Variants in GAS1 observed in about 807,000 individuals in gnomAD.
GAS1 encodes growth arrest specific 1.
GAS1 carries 10 observed loss-of-function variants against 21.6 expected under a neutral mutation model. The observed-to-expected ratio is 0.46, with a 90% confidence interval of 0.29 to 0.79. The LOEUF (loss-of-function observed/expected upper bound fraction) is 0.79. GAS1 is among the 30% of genes least tolerant of loss of function. The pLI, the probability that GAS1 is intolerant of heterozygous loss-of-function variation, is 0.10. For missense variants in GAS1, 567 were observed against 544.3 expected, an observed-to-expected ratio of 1.04 and a Z score of -0.42; for synonymous variants, 332 against 264.0, an observed-to-expected ratio of 1.26 and a Z score of -2.50.
In GAS1 at chr9:86,946,357, G is replaced by A; in HGVS notation, c.423C>T (p.Arg141=). ...AQDENCKSTK[R]AIEPCLPRTS... ...TCCGGGGCAGGCACGGCTCAATGGC[G>A]CGCTTGGTGGACTTGCAGTTCTCGT... The change falls in exon 1 of 1, where the codon CGC becomes CGT. Residue 141 remains arginine (R), a synonymous_variant. Transcript: ENST00000298743. This position sits in a 1 kb window ranked among gnomAD's most constrained non-coding sequence, Gnocchi z 5.2. 6.8e-7 allele frequency: 1 copy of A among 1,466,590 alleles called. No homozygotes were observed. The highest frequency in any genetic ancestry group is 9.0e-7 in the Non-Finnish European group (1 of 1,111,582). The allele number at this position is 1,466,590 out of a possible 1,614,324, so 90.8% of individuals were successfully genotyped here.
At position 86,946,212 on chromosome 9, in the gene GAS1, A is replaced by C; in HGVS notation, c.568T>G (p.Cys190Gly). ...NLALSRYLTY[C>G]GKVFNGLRCT... ...CGCAGCCCGTTGAAGACTTTGCCGC[A>C]GTAGGTCAGGTAGCGGCTCAGCGCC... Residue 190 changes from cysteine (C) to glycine (G), a missense_variant, in exon 1 of 1, where the codon TGC becomes GGC. Physicochemically the swap from Cys to Gly is radical, Grantham distance 159 (BLOSUM62 -3). Transcript: ENST00000298743. This position sits in a 1 kb window ranked among gnomAD's most constrained non-coding sequence, Gnocchi z 5.2. 1 of 1,599,418 alleles carries C rather than the reference A, an allele frequency of 6.3e-7. No individual in the cohort carries two copies. Among genetic ancestry groups the C allele is most frequent in the South Asian group, 1.1e-5 (1 of 90,320 alleles).
chr9:86,946,990 C>T lies in GAS1; in HGVS notation c.-211G>A. The T allele has an allele frequency of 3.1e-6, 1 of 317,650 alleles. No homozygotes were observed. Among genetic ancestry groups the T allele is most frequent in the Non-Finnish European group, 6.0e-6 (1 of 166,232 alleles). 19.7% of individuals were successfully genotyped at this position (317,650 alleles called of 1,614,324 possible). A position where few individuals can be genotyped will look rare whatever the true frequency, so the allele number is the denominator to read the frequency against. On this transcript the variant is annotated 5_prime_UTR_variant, in exon 1 of 1. Coordinates refer to ENST00000298743, the MANE Select transcript of GAS1 (RefSeq NM_002048.3). The surrounding 1 kb of genome is among the most constrained non-coding windows in gnomAD (Gnocchi z 5.2). ...GCGGTGGCTTCCTGGAAATGAACAG[C>T]TGTCGAGATCTGGTCCCGCTCTCCC...
In GAS1 at chr9:86,946,119, C is replaced by G. The variant is rs572692316; in HGVS notation, c.661G>C (p.Asp221His). 6.2e-7 allele frequency: 1 copy of G among 1,608,986 alleles called. No homozygotes were observed. The highest frequency in any genetic ancestry group is 1.1e-5 in the South Asian group (1 of 91,052). Residue 221 changes from aspartate (D) to histidine (H), a missense_variant, in exon 1 of 1, where the codon GAC becomes CAC. Transcript: ENST00000298743. The surrounding 1 kb of genome is among the most constrained non-coding windows in gnomAD (Gnocchi z 5.2). ...CGCTCGAGGCCGTCGCACACGCAGT[C>G]GTTGAGCAGCGCCGCCTTGGGCATA... Reference protein sequence around the residue: ...LAMPKAALLNDCVCDGLERPI... With the variant: ...LAMPKAALLNHCVCDGLERPI...
rs995370798 is a variant in GAS1, at chr9:86,945,031, C to T, written c.*711G>A. 7 of 152,108 alleles carry T rather than the reference C, an allele frequency of 4.6e-5. No homozygotes were observed. The highest frequency in any genetic ancestry group is 1.7e-4 in the African/African-American group (7 of 41,390). The allele number at this position is 152,108 out of a possible 1,614,324, so 9.4% of individuals were successfully genotyped here. A position where few individuals can be genotyped will look rare whatever the true frequency, so the allele number is the denominator to read the frequency against. ...CCCCTTAGATCAGCATTTTTGGACC[C>T]TTAATCCTAAGAAATGTGCTAAGAG... On this transcript the variant is annotated 3_prime_UTR_variant, in exon 1 of 1. Coordinates refer to ENST00000298743, the MANE Select transcript of GAS1 (RefSeq NM_002048.3).
rs1176316195 is a variant in GAS1, at chr9:86,945,630, C to A, written c.*112G>T. On this transcript the variant is annotated 3_prime_UTR_variant, in exon 1 of 1. Transcript: ENST00000298743. ...ACTTGGAAAAAGTTTTGGGAAGTATCCCCAACCATCCCTTCTATCTGTCCC... is the reference window on the plus strand; with the variant it reads ...ACTTGGAAAAAGTTTTGGGAAGTATACCCAACCATCCCTTCTATCTGTCCC... The A allele has an allele frequency of 4.6e-6, 5 of 1,090,192 alleles. No individual in the cohort carries two copies. Among genetic ancestry groups the A allele is most frequent in the Non-Finnish European group, 4.9e-6 (4 of 824,710 alleles). The allele number at this position is 1,090,192 out of a possible 1,614,324, so 67.5% of individuals were successfully genotyped here.
Position 86,945,922 on chromosome 9 carries a change from G to C in GAS1, c.858C>G (p.Asp286Glu). Residue 286 changes from aspartate to glutamate, a missense_variant, in exon 1 of 1, where the codon GAC becomes GAG. By Grantham distance (45) the Asp-to-Glu change is conservative. Coordinates refer to ENST00000298743, the MANE Select transcript of GAS1 (RefSeq NM_002048.3). Reference sequence around the variant, plus strand: ...GCGGTGGGTGCGGGACGCCGTCGTCGTCGTCCAGCGGCTGCTCACCACCCG... The same window carrying C: ...GCGGTGGGTGCGGGACGCCGTCGTCCTCGTCCAGCGGCTGCTCACCACCCG... ...GGAGGEQPLD[D>E]DDGVPHPPRP... The C allele has an allele frequency of 5.7e-6, 9 of 1,573,774 alleles. No homozygotes were observed. The highest frequency in any genetic ancestry group is 1.2e-5 in the South Asian group (1 of 86,382).
Position 86,946,469 on chromosome 9 carries a change from C to G in GAS1, c.311G>C (p.Arg104Pro). 6.8e-7 allele frequency: 1 copy of G among 1,468,214 alleles called. No individual in the cohort carries two copies. The highest frequency in any genetic ancestry group is 9.0e-7 in the Non-Finnish European group (1 of 1,113,034). The allele number at this position is 1,468,214 out of a possible 1,614,324, so 90.9% of individuals were successfully genotyped here. ...ASAASFSSRWRCPSHCISALI... is the reference protein window; with the variant it reads ...ASAASFSSRWPCPSHCISALI... ...GGCCGAGATGCAGTGACTCGGGCAG[C>G]GCCAGCGCGACGAGAAAGAGGCGGC... The change falls in exon 1 of 1, where the codon CGC (arginine) becomes CCC (proline). Residue 104 changes from arginine to proline, a missense_variant. Coordinates refer to ENST00000298743, the MANE Select transcript of GAS1 (RefSeq NM_002048.3). This position sits in a 1 kb window ranked among gnomAD's most constrained non-coding sequence, Gnocchi z 5.2.
chr9:86,946,740 CG>C lies in GAS1; in HGVS notation c.39del (p.Thr16GlnfsTer9). 1 of 1,262,232 alleles carries C rather than the reference CG, an allele frequency of 7.9e-7. No homozygotes were observed. The highest frequency in any genetic ancestry group is 1.0e-6 in the Non-Finnish European group (1 of 976,628). 78.2% of individuals were successfully genotyped at this position (1,262,232 alleles called of 1,614,324 possible). A position where few individuals can be genotyped will look rare whatever the true frequency, so the allele number is the denominator to read the frequency against. On this transcript the variant is annotated frameshift_variant, in exon 1 of 1. Coordinates refer to ENST00000298743, the MANE Select transcript of GAS1 (RefSeq NM_002048.3). LOFTEE classifies it high-confidence loss of function. The surrounding 1 kb of genome is among the most constrained non-coding windows in gnomAD (Gnocchi z 5.2). ...AGCCAGGCGCCCGGCACTGTCCCCC[CG>C]CGGGCCTCGCCGCCGCCGCCCAGCA... is the stretch of plus-strand genomic sequence containing the variant. Reference protein sequence around the residue: ...AALLGGGGEARGGTVPGAWLC... With the variant: ...AALLGGGGEAXGGTVPGAWLC...
rs1025161090 is a variant in GAS1 at position 86,944,580 on chromosome 9, A to T, written c.*1162T>A. On this transcript the variant is annotated 3_prime_UTR_variant, in exon 1 of 1. Coordinates refer to ENST00000298743, the MANE Select transcript of GAS1 (RefSeq NM_002048.3). ...TGTTAACTTCAATTCTATAAAATAC[A>T]CTGTACATTTTAAGACTGTTCTAAA... 2.0e-5 allele frequency: 3 copies of T among 152,178 alleles called. No individual in the cohort carries two copies. The highest frequency in any genetic ancestry group is 4.8e-5 in the African/African-American group (2 of 41,440). The allele number at this position is 152,178 out of a possible 1,614,324, so 9.4% of individuals were successfully genotyped here.
rs1301589881 is a variant in GAS1, at chr9:86,946,716, G to A, written c.64C>T (p.Leu22=). 1 of 1,384,082 alleles carries A rather than the reference G, an allele frequency of 7.2e-7. No individual in the cohort carries two copies. The highest frequency in any genetic ancestry group is 9.4e-7 in the Non-Finnish European group (1 of 1,061,656). 85.7% of individuals were successfully genotyped at this position (1,384,082 alleles called of 1,614,324 possible). A position where few individuals can be genotyped will look rare whatever the true frequency, so the allele number is the denominator to read the frequency against. ...ARGGTVPGAW[L]CLMALLQLLG... ...AGCTGCAGCAGCGCCATCAGGCACA[G>A]CCAGGCGCCCGGCACTGTCCCCCCG... The change falls in exon 1 of 1, where the codon CTG becomes TTG. Residue 22 remains leucine, a synonymous_variant. Transcript: ENST00000298743. This position sits in a 1 kb window ranked among gnomAD's most constrained non-coding sequence, Gnocchi z 5.2.
chr9:86,945,803 G>C lies in GAS1; in HGVS notation c.977C>G (p.Pro326Arg). The C allele has an allele frequency of 6.6e-7, 1 of 1,517,134 alleles. No individual in the cohort carries two copies. Among genetic ancestry groups the C allele is most frequent in the Admixed American group, 2.1e-5 (1 of 48,118 alleles). 94.0% of individuals were successfully genotyped at this position (1,517,134 alleles called of 1,614,324 possible). A position where few individuals can be genotyped will look rare whatever the true frequency, so the allele number is the denominator to read the frequency against. ...RSSGGGGRLA[P>R]RGAWTPLASI... ...GGCGAGTGGGGTCCAGGCGCCCCGG[G>C]GCGCCAAGCGGCCGCCGCCGCCGCT... is the stretch of plus-strand genomic sequence containing the variant. Residue 326 changes from proline (P) to arginine (R), a missense_variant, in exon 1 of 1, where the codon CCC (proline) becomes CGC (arginine). Pro to Arg is a moderately radical substitution (Grantham distance 103). Coordinates refer to ENST00000298743, the MANE Select transcript of GAS1 (RefSeq NM_002048.3).
chr9:86,946,762 C>A lies in GAS1; in HGVS notation c.18G>T (p.Leu6=). 1 of 1,134,096 alleles carries A rather than the reference C, an allele frequency of 8.8e-7. No homozygotes were observed. 70.3% of individuals were successfully genotyped at this position (1,134,096 alleles called of 1,614,324 possible). MVAAL[L]GGGGEARGGT... is the part of the protein sequence containing the mutation. ...CCCCGCGGGCCTCGCCGCCGCCGCC[C>A]AGCAGCGCGGCCACCATCGCGGGCA... Residue 6 remains leucine (L), a synonymous_variant, in exon 1 of 1, where the codon CTG becomes CTT. Coordinates refer to ENST00000298743, the MANE Select transcript of GAS1 (RefSeq NM_002048.3). This position sits in a 1 kb window ranked among gnomAD's most constrained non-coding sequence, Gnocchi z 5.2.
Position 86,946,426 on chromosome 9 carries a change from G to A in GAS1, c.354C>T (p.His118=). The A allele has an allele frequency of 6.7e-7, 1 of 1,487,428 alleles. No individual in the cohort carries two copies. Among genetic ancestry groups the A allele is most frequent in the Non-Finnish European group, 8.9e-7 (1 of 1,123,094 alleles). 92.1% of individuals were successfully genotyped at this position (1,487,428 alleles called of 1,614,324 possible). A position where few individuals can be genotyped will look rare whatever the true frequency, so the allele number is the denominator to read the frequency against. ...HCISALIQLN[H]TRRGPALEDC... ...CCTCCAGGGCGGGCCCGCGGCGCGT[G>A]TGGTTGAGCTGAATGAGGGCCGAGA... is the stretch of plus-strand genomic sequence containing the variant. Residue 118 remains histidine (H), a synonymous_variant, in exon 1 of 1, where the codon CAC becomes CAT. Transcript: ENST00000298743. The surrounding 1 kb of genome is among the most constrained non-coding windows in gnomAD (Gnocchi z 5.2).
rs1490689325 is a variant in GAS1, at chr9:86,947,017, C to G, written c.-238G>C. The G allele has an allele frequency of 6.8e-6, 2 of 293,432 alleles. No individual in the cohort carries two copies. The highest frequency in any genetic ancestry group is 1.3e-5 in the Non-Finnish European group (2 of 151,242). The allele number at this position is 293,432 out of a possible 1,614,324, so 18.2% of individuals were successfully genotyped here. On this transcript the variant is annotated 5_prime_UTR_variant, in exon 1 of 1. Coordinates refer to ENST00000298743, the MANE Select transcript of GAS1 (RefSeq NM_002048.3). Reference sequence around the variant, plus strand: ...GTCGAGATCTGGTCCCGCTCTCCCACCCGAGAGCCCTCCGCTCGGCCCCCG... The same window carrying G: ...GTCGAGATCTGGTCCCGCTCTCCCAGCCGAGAGCCCTCCGCTCGGCCCCCG...
In GAS1 at chr9:86,945,447, C is replaced by T; in HGVS notation, c.*295G>A. On this transcript the variant is annotated 3_prime_UTR_variant, in exon 1 of 1. Coordinates refer to ENST00000298743, the MANE Select transcript of GAS1 (RefSeq NM_002048.3). ...CACATGCTTGCTTCCTCCCGGACGT[C>T]CTGAACACTGCAGCTAGCTTTCTGG... The T allele has an allele frequency of 3.2e-6, 1 of 315,996 alleles. No homozygotes were observed. Among genetic ancestry groups the T allele is most frequent in the Non-Finnish European group, 5.7e-6 (1 of 174,776 alleles). 19.6% of individuals were successfully genotyped at this position (315,996 alleles called of 1,614,324 possible).
Position 86,947,220 on chromosome 9 carries a change from T to A in GAS1, c.-441A>T, listed in dbSNP as rs2118610870. The A allele has an allele frequency of 6.6e-6, 1 of 150,886 alleles. No homozygotes were observed. The highest frequency in any genetic ancestry group is 1.5e-5 in the Non-Finnish European group (1 of 67,636). 9.3% of individuals were successfully genotyped at this position (150,886 alleles called of 1,614,324 possible). On this transcript the variant is annotated 5_prime_UTR_variant, in exon 1 of 1. Coordinates refer to ENST00000298743, the MANE Select transcript of GAS1 (RefSeq NM_002048.3). ...TGCGGCCGCGGCGGCTCCTTCCTCC[T>A]GGGCTCAGTGCCTCGCCGCCGCCAC...
rs1000871454 is a variant in GAS1 at position 86,944,777 on chromosome 9, C to A, written c.*965G>T. On this transcript the variant is annotated 3_prime_UTR_variant, in exon 1 of 1. Coordinates refer to ENST00000298743, the MANE Select transcript of GAS1 (RefSeq NM_002048.3). ...TTATAAAAATTCTATATACAAAGTA[C>A]AGCAACTGGTAACAAACCCCAGTTT... The A allele has an allele frequency of 6.6e-6, 1 of 152,082 alleles. No homozygotes were observed. The highest frequency in any genetic ancestry group is 1.5e-5 in the Non-Finnish European group (1 of 68,020). The allele number at this position is 152,082 out of a possible 1,614,324, so 9.4% of individuals were successfully genotyped here.
chr9:86,946,908 A>C lies in GAS1; in HGVS notation c.-129T>G. ...CTTGCATGAGTGTCTTCATAAATCCATGCGCGCCGCTGGCTGATGCCCCGC... is the reference window on the plus strand; with the variant it reads ...CTTGCATGAGTGTCTTCATAAATCCCTGCGCGCCGCTGGCTGATGCCCCGC... On this transcript the variant is annotated 5_prime_UTR_variant, in exon 1 of 1. It removes an upstream start codon present in the reference 5' UTR. Coordinates refer to ENST00000298743, the MANE Select transcript of GAS1 (RefSeq NM_002048.3). The surrounding 1 kb of genome is among the most constrained non-coding windows in gnomAD (Gnocchi z 5.2). 2.4e-5 allele frequency: 8 copies of C among 339,522 alleles called. No homozygotes were observed. Among genetic ancestry groups the C allele is most frequent in the Middle Eastern group, 8.7e-4 (1 of 1,148 alleles). The allele number at this position is 339,522 out of a possible 1,614,324, so 21.0% of individuals were successfully genotyped here.
At position 86,946,177 on chromosome 9, in the gene GAS1, G is replaced by A. The variant is rs1588171636; in HGVS notation, c.603C>T (p.Asp201=). 3.1e-6 allele frequency: 5 copies of A among 1,606,544 alleles called. No individual in the cohort carries two copies. Among genetic ancestry groups the A allele is most frequent in the Non-Finnish European group, 4.2e-6 (5 of 1,179,470 alleles). ...GKVFNGLRCT[D]ECRTVIEDML... ...TGTCCTCAATGACGGTGCGGCATTC[G>A]TCCGTGCAGCGCAGCCCGTTGAAGA... The change falls in exon 1 of 1, where the codon GAC becomes GAT. Residue 201 remains aspartate, a synonymous_variant. Coordinates refer to ENST00000298743, the MANE Select transcript of GAS1 (RefSeq NM_002048.3). The surrounding 1 kb of genome is among the most constrained non-coding windows in gnomAD (Gnocchi z 5.2).
Sources: allele counts gnomAD v4.1 joint callset, GRCh38; gene constraint gnomAD v4.1.1; non-coding constraint Gnocchi (gnomAD v3.1); transcripts MANE v1.5; gene names NCBI Gene and HGNC (gene_info 2026-07-23, HGNC 2026-07-21).